NSG2: variants seen among roughly 807,000 people sequenced by gnomAD.
NSG2 encodes neuronal vesicle trafficking-associated protein 2.
A neutral mutation model predicts 16.9 loss-of-function variants in NSG2; 4 were observed. That is an observed-to-expected ratio of 0.24 (90% CI 0.12 to 0.54). The LOEUF (loss-of-function observed/expected upper bound fraction) is 0.54, where lower values mean the gene tolerates loss of function less well. Ranked by LOEUF, NSG2 falls within the 20% of genes least tolerant of loss-of-function variation. The probability of loss-of-function intolerance (pLI) is 0.95; values close to 1 mark genes in which losing one functional copy is unlikely to be tolerated. For missense variants in NSG2, 179 were observed against 221.1 expected (o/e 0.81, Z 1.21); for synonymous variants, 98 against 88.7 (o/e 1.11, Z -0.59).
chr5:174,107,632 G>C lies in NSG2; in HGVS notation c.*127G>C, dbSNP rs533861230. The C allele has an allele frequency of 5.6e-4, 459 of 813,680 alleles. 4 individuals are homozygous for C. Among genetic ancestry groups the C allele is most frequent in the East Asian group, 1.3e-3 (49 of 37,368 alleles). 50.4% of individuals were successfully genotyped at this position (813,680 alleles called of 1,614,324 possible). On this transcript the variant is annotated 3_prime_UTR_variant, in exon 5 of 5. Transcript: ENST00000303177. This position sits in a 1 kb window ranked among gnomAD's most constrained non-coding sequence, Gnocchi z 4.5. ...GGGCGGGGGCGGGGCAGGGCAGGGT[G>C]GGGGGAAGAACGCACCAAAAACGTG...
At chr5:174,054,700 A>T (rs1456961583) in intron 2 of NSG2, among the ~76,000 whole-genome samples, 1 of 152,178 alleles carries the variant, frequency 6.6e-6, no homozygotes, top group Non-Finnish European at 1.5e-5. Context: ...ATTAAAAAAA[A>T]ATCACCCCCA....
At chr5:174,057,000 A>T (rs1367792731) in intron 2 of NSG2, among the ~76,000 whole-genome samples, 1 of 152,226 alleles carries the variant, frequency 6.6e-6, no homozygotes, top group Non-Finnish European at 1.5e-5. Context: ...AATTATATTA[A>T]ATTATGTTCT....
chr5:174,101,134 T>C (rs1378089049), intron 3 of NSG2, among the ~76,000 whole-genome samples: 1 of 152,228 alleles, frequency 6.6e-6, no homozygotes, highest in African/African-American at 2.4e-5. Flanking sequence ...CTCTCTTGGC[T>C]GGGCCCAGGT....
intron 3 of NSG2, among the ~76,000 whole-genome samples, chr5:174,074,952 C>A (rs1048968636): frequency 6.6e-6 from 1 of 152,032 alleles, no homozygotes; most frequent in African/African-American, 2.4e-5. Flanking sequence ...GATGGCACAT[C>A]GGCTTTCCTA....
At chr5:174,104,988 G>T (rs1760954038) in intron 4 of NSG2, among the ~76,000 whole-genome samples, 1 of 151,832 alleles carries the variant, frequency 6.6e-6, no homozygotes, top group South Asian at 2.1e-4. Flanking sequence ...AATGTTAGTT[G>T]CAATAAAGAC....
At chr5:174,097,718 T>A (rs1760825643) in intron 3 of NSG2, among the ~76,000 whole-genome samples, 1 of 150,962 alleles carries the variant, frequency 6.6e-6, no homozygotes, top group African/African-American at 2.4e-5. Flanking sequence ...TGTGTGTGTT[T>A]GTCTCTGTGT....
chr5:174,105,574 C>T (rs577886394), intron 4 of NSG2, among the ~76,000 whole-genome samples: 8 of 152,216 alleles, frequency 5.3e-5, no homozygotes, highest in East Asian at 3.9e-4. Flanking sequence ...GAGGTTTCTC[C>T]GCAACTCCAT....
At chr5:174,089,611 G>A (rs1441538143) in intron 3 of NSG2, among the ~76,000 whole-genome samples, 2 of 152,094 alleles carry the variant, frequency 1.3e-5, no homozygotes, top group Non-Finnish European at 2.9e-5. Context: ...GAAAGGAAGA[G>A]TTTGTGGGGA....
chr5:174,049,461 ACAAT>A (rs1251309907), intron 2 of NSG2, among the ~76,000 whole-genome samples: 4 of 152,246 alleles, frequency 2.6e-5, no homozygotes, highest in South Asian at 2.1e-4. Context: ...ACACACACAC[ACAAT>A]CACTCACACA....
intron 3 of NSG2, among the ~76,000 whole-genome samples, chr5:174,103,127 G>T (rs980471681): frequency 1.3e-5 from 2 of 151,772 alleles, no homozygotes; most frequent in African/African-American, 4.8e-5. Context: ...CTCTCTGGTT[G>T]CTGTGTGCTG....
At chr5:174,076,621 C>A (rs985995594) in intron 3 of NSG2, among the ~76,000 whole-genome samples, 1 of 152,138 alleles carries the variant, frequency 6.6e-6, no homozygotes, top group African/African-American at 2.4e-5. Context: ...TGGTCTCAAT[C>A]TTTGGGCCTC....
chr5:174,070,571 G>A (rs967750010), intron 3 of NSG2, among the ~76,000 whole-genome samples: 1 of 152,146 alleles, frequency 6.6e-6, no homozygotes, highest in African/African-American at 2.4e-5. Context: ...TGGGCTCAAT[G>A]CCTGTTGCTG....
intron 4 of NSG2, 108 bp downstream of exon 4, chr5:174,104,446 C>T (rs183678478): frequency 2.4e-5 from 18 of 757,492 alleles, no homozygotes; most frequent in Admixed American, 1.5e-4. Context: ...ACCTCTCTAC[C>T]GACTGTTTAA....
chr5:174,071,648 C>A (rs1215678720), intron 3 of NSG2, among the ~76,000 whole-genome samples: 1 of 152,356 alleles, frequency 6.6e-6, no homozygotes, highest in South Asian at 2.1e-4. Flanking sequence ...TCTTTGGGCT[C>A]CTGCCTGTGA....
chr5:174,095,095 A>G (rs554678346), intron 3 of NSG2, among the ~76,000 whole-genome samples: 2 of 152,304 alleles, frequency 1.3e-5, no homozygotes, highest in South Asian at 4.1e-4. Context: ...GAGTTCACCA[A>G]GGGGAGAGTG....
rs141191579 is a variant in NSG2, at chr5:174,055,409, C to G, written c.129+8525C>G. Among the ~76,000 whole-genome samples the G allele has an allele frequency of 3.7e-3, 552 of 150,680 alleles. 4 individuals carry two copies. The highest frequency in any genetic ancestry group is 0.013 in the African/African-American group (519 of 40,390). On this transcript the variant is annotated intron_variant, in intron 2 of 4. Coordinates refer to ENST00000303177, the MANE Select transcript of NSG2 (RefSeq NM_015980.5). ...GAGATCCAGACCATCCTGGCTAACA[C>G]GGTGAAACCCCATCTCTACTAAAAA...
At chr5:174,070,800 C>A (rs78475431) in intron 3 of NSG2, among the ~76,000 whole-genome samples, 1 of 152,130 alleles carries the variant, frequency 6.6e-6, no homozygotes, top group African/African-American at 2.4e-5. Flanking sequence ...TGGCCTATCC[C>A]GCACCTGCAG....
At chr5:174,061,209 A>G (rs993448703) in intron 2 of NSG2, among the ~76,000 whole-genome samples, 1 of 152,240 alleles carries the variant, frequency 6.6e-6, no homozygotes, top group African/African-American at 2.4e-5. Context: ...AAGTTTGTGA[A>G]TATTTCTAAA....
chr5:174,100,889 T>G (rs999943266), intron 3 of NSG2, among the ~76,000 whole-genome samples: 32 of 152,172 alleles, frequency 2.1e-4, no homozygotes, highest in Non-Finnish European at 2.5e-4. Flanking sequence ...TCCATACCCA[T>G]GTTGGGAGGT....
Sources: allele counts gnomAD v4.1 joint callset (sites outside exome capture counted in the v4.1 genomes callset), GRCh38; gene constraint gnomAD v4.1.1; non-coding constraint Gnocchi (gnomAD v3.1); transcripts MANE v1.5; gene names NCBI Gene and HGNC (gene_info 2026-07-23, HGNC 2026-07-21).